The following SEMA5A variants were observed in gnomAD, a reference collection of about 807,000 sequenced individuals.
SEMA5A encodes semaphorin-5A.
Under a neutral mutation model 135.5 loss-of-function variants are expected in SEMA5A, and 55 were observed. The ratio of observed to expected loss-of-function variants is 0.41; its 90% CI spans 0.33 to 0.51. SEMA5A has a LOEUF of 0.51. SEMA5A is among the 20% of genes least tolerant of loss of function. The pLI is 0.37. For missense variants in SEMA5A, 1,290 were observed against 1,419.9 expected (o/e 0.91, Z 1.47); for synonymous variants, 580 against 546.5 (o/e 1.06, Z -0.85).
At chr5:9,235,061 T>A (rs1466156004) in intron 6 of SEMA5A, among the ~76,000 whole-genome samples, 1 of 152,170 alleles carries the variant, frequency 6.6e-6, no homozygotes, top group Non-Finnish European at 1.5e-5. Context: ...GTAGAAATAA[T>A]CTATTAGCAA....
intron 16 of SEMA5A, among the ~76,000 whole-genome samples, chr5:9,088,928 T>C (rs532065721): frequency 6.6e-6 from 1 of 152,274 alleles, no homozygotes; most frequent in African/African-American, 2.4e-5. Flanking sequence ...CACAGTCTGA[T>C]AGCTCACAAA....
At chr5:9,385,971 T>A (rs903653960) in intron 2 of SEMA5A, among the ~76,000 whole-genome samples, 5 of 151,848 alleles carry the variant, frequency 3.3e-5, no homozygotes, top group African/African-American at 1.2e-4. Context: ...CTGGCTAATT[T>A]TTGTTTTTTT....
chr5:9,485,618 C>A (rs1248184810), intron 1 of SEMA5A, among the ~76,000 whole-genome samples: 2 of 152,182 alleles, frequency 1.3e-5, no homozygotes, highest in East Asian at 1.9e-4. Flanking sequence ...ACCAGGGTGA[C>A]CGCTTGGGCT....
chr5:9,400,431 TAAAC>T (rs1756602050), intron 2 of SEMA5A, among the ~76,000 whole-genome samples: 1 of 151,316 alleles, frequency 6.6e-6, no homozygotes. Flanking sequence ...TTAGACAAAT[TAAAC>T]AATCTGAAGA....
chr5:9,168,906 C>T (rs1358020031), intron 11 of SEMA5A, among the ~76,000 whole-genome samples: 1 of 152,158 alleles, frequency 6.6e-6, no homozygotes, highest in Non-Finnish European at 1.5e-5. Flanking sequence ...GTTCTAAAAT[C>T]ATAGTGCATT....
At chr5:9,460,076 A>T (rs956054962) in intron 1 of SEMA5A, among the ~76,000 whole-genome samples, 1 of 152,220 alleles carries the variant, frequency 6.6e-6, no homozygotes, top group Non-Finnish European at 1.5e-5. Flanking sequence ...ACCTACAATG[A>T]TTAGACAGTG....
chr5:9,357,622 C>T (rs1754510574), intron 3 of SEMA5A, among the ~76,000 whole-genome samples: 3 of 151,906 alleles, frequency 2.0e-5, no homozygotes, highest in Admixed American at 2.0e-4. Context: ...AGCCTTTTTG[C>T]AAATGTTGAG....
At chr5:9,303,457 A>C (rs1422529662) in intron 5 of SEMA5A, among the ~76,000 whole-genome samples, 1 of 152,160 alleles carries the variant, frequency 6.6e-6, no homozygotes, top group Admixed American at 6.5e-5. Flanking sequence ...TTTCTTCACC[A>C]TAAATATCAA....
chr5:9,361,813 G>A (rs531505875), intron 3 of SEMA5A, among the ~76,000 whole-genome samples: 1 of 152,118 alleles, frequency 6.6e-6, no homozygotes, highest in Admixed American at 6.6e-5. Context: ...CTGCTGATGC[G>A]CTTAGTTCCA....
intron 5 of SEMA5A, among the ~76,000 whole-genome samples, chr5:9,296,262 G>A (rs1231649398): frequency 7.2e-5 from 11 of 152,098 alleles, no homozygotes; most frequent in East Asian, 1.9e-4. Context: ...CTGTATATCC[G>A]TTTACAGGCT....
intron 1 of SEMA5A, among the ~76,000 whole-genome samples, chr5:9,461,557 C>T (rs1345024924): frequency 1.3e-5 from 2 of 152,140 alleles, no homozygotes; most frequent in African/African-American, 4.8e-5. Context: ...CAAGTAGAGG[C>T]CCATCATCTT....
chr5:9,178,672 A>G (rs1357687886), intron 11 of SEMA5A, among the ~76,000 whole-genome samples: 3 of 152,172 alleles, frequency 2.0e-5, no homozygotes, highest in Non-Finnish European at 4.4e-5. Flanking sequence ...TGTATAGATA[A>G]TAGTTAAAAA....
At chr5:9,081,459 CATAGAT>C (rs569664038) in intron 16 of SEMA5A, among the ~76,000 whole-genome samples, 4 of 151,948 alleles carry the variant, frequency 2.6e-5, no homozygotes, top group Admixed American at 1.3e-4. Context: ...TATATATAGA[CATAGAT>C]AGAGATATAT....
In SEMA5A at chr5:9,150,439, A is replaced by C. The variant is rs147722285; in HGVS notation, c.1481+4049T>G. On this transcript the variant is annotated intron_variant, in intron 12 of 22. Transcript: ENST00000382496. ...TCCAATGAGTTAGCTTTGTCTTTTG[A>C]ATGATTTTCTCACTCTATCTATTAA... is the stretch of plus-strand genomic sequence containing the variant. Among the ~76,000 whole-genome samples, 538 of 152,312 alleles carry C rather than the reference A, an allele frequency of 3.5e-3. 2 individuals carry two copies. Among genetic ancestry groups the C allele is most frequent in the African/African-American group, 0.012 (519 of 41,566 alleles).
At chr5:9,472,658 C>T (rs1206966660) in intron 1 of SEMA5A, among the ~76,000 whole-genome samples, 1 of 152,082 alleles carries the variant, frequency 6.6e-6, no homozygotes, top group African/African-American at 2.4e-5. Flanking sequence ...CAGATAGTCT[C>T]CTAATGTTTT....
At chr5:9,047,490 C>A (rs984771734) in intron 21 of SEMA5A, among the ~76,000 whole-genome samples, 2 of 152,112 alleles carry the variant, frequency 1.3e-5, no homozygotes, top group Non-Finnish European at 2.9e-5. Flanking sequence ...GAAAGCAGTG[C>A]CCATTAAATT....
chr5:9,109,102 G>A (rs1310505099), intron 15 of SEMA5A, among the ~76,000 whole-genome samples: 5 of 132,292 alleles, frequency 3.8e-5, no homozygotes, highest in Non-Finnish European at 7.7e-5. Context: ...GTGCAGTGGC[G>A]TGATCTCGGC....
At chr5:9,366,337 G>A (rs1448546799) in intron 3 of SEMA5A, among the ~76,000 whole-genome samples, 1 of 151,684 alleles carries the variant, frequency 6.6e-6, no homozygotes, top group East Asian at 1.9e-4. Context: ...AAATGCCAGT[G>A]TCAATAATGT....
intron 16 of SEMA5A, among the ~76,000 whole-genome samples, chr5:9,102,224 T>C (rs965657755): frequency 4.6e-5 from 7 of 152,214 alleles, no homozygotes; most frequent in Non-Finnish European, 1.0e-4. Flanking sequence ...CTCTCCTCTA[T>C]ATTTTATGAT....
Sources: allele counts gnomAD v4.1 joint callset (sites outside exome capture counted in the v4.1 genomes callset), GRCh38; gene constraint gnomAD v4.1.1; transcripts MANE v1.5; gene names NCBI Gene and HGNC (gene_info 2026-07-23, HGNC 2026-07-21).